Variants in RUSC1 observed in about 807,000 individuals in gnomAD.
The protein encoded by RUSC1 is RUN and SH3 domain containing 1, also known as AP-4 complex accessory subunit RUSC1.
A neutral mutation model predicts 72.1 loss-of-function variants in RUSC1; 40 were observed. That is an observed-to-expected ratio of 0.55 (90% CI 0.43 to 0.72). RUSC1 has a LOEUF of 0.72. Among genes scored for constraint, RUSC1 ranks in the 30% least tolerant of loss-of-function variants. RUSC1 has a pLI of 0.00. For missense variants in RUSC1, 1,092 were observed against 1,172.3 expected, an observed-to-expected ratio of 0.93 and a Z score of 1.00; for synonymous variants, 512 against 494.2, an observed-to-expected ratio of 1.04 and a Z score of -0.48.
chr1:155,330,773 A>G lies in RUSC1; in HGVS notation c.*202A>G. ...AAATCTGCTCTTCTTCCAAATATATAAAAAAGGAATTGCCCTCCAGGTAAT... is the reference window on the plus strand; with the variant it reads ...AAATCTGCTCTTCTTCCAAATATATGAAAAAGGAATTGCCCTCCAGGTAAT... On this transcript the variant is annotated 3_prime_UTR_variant, in exon 10 of 10. Coordinates refer to ENST00000368352, the MANE Select transcript of RUSC1 (RefSeq NM_001105203.2). 2.0e-6 allele frequency: 1 copy of G among 510,176 alleles called. No individual in the cohort carries two copies. Among genetic ancestry groups the G allele is most frequent in the Non-Finnish European group, 3.4e-6 (1 of 293,390 alleles). 31.6% of individuals were successfully genotyped at this position (510,176 alleles called of 1,614,324 possible).
Position 155,330,655 on chromosome 1 carries a change from T to C in RUSC1, c.*84T>C. 7.5e-7 allele frequency: 1 copy of C among 1,334,942 alleles called. No individual in the cohort carries two copies. The highest frequency in any genetic ancestry group is 1.0e-6 in the Non-Finnish European group (1 of 994,298). The allele number at this position is 1,334,942 out of a possible 1,614,324, so 82.7% of individuals were successfully genotyped here. ...AGTGAACACCATCCCAGAAGCATTT[T>C]CCCTCTGCAAAATGACGTTTCTTCC... On this transcript the variant is annotated 3_prime_UTR_variant, in exon 10 of 10. Transcript: ENST00000368352.
At position 155,320,906 on chromosome 1, in the gene RUSC1, C is replaced by T; in HGVS notation, c.-172C>T. Reference sequence around the variant, plus strand: ...CGCAGGGTAGGTTGTGCTAGTGCCCCTCCCCTCCCGCTCTGTGCCCCGCCG... The same window carrying T: ...CGCAGGGTAGGTTGTGCTAGTGCCCTTCCCCTCCCGCTCTGTGCCCCGCCG... On this transcript the variant is annotated 5_prime_UTR_variant, in exon 1 of 10. Coordinates refer to ENST00000368352, the MANE Select transcript of RUSC1 (RefSeq NM_001105203.2). 6.3e-7 allele frequency: 1 copy of T among 1,593,634 alleles called. No homozygotes were observed. Among genetic ancestry groups the T allele is most frequent in the South Asian group, 1.1e-5 (1 of 89,628 alleles).
In RUSC1 at chr1:155,328,283, G is replaced by A; in HGVS notation, c.2540+8G>A. 1 of 1,604,404 alleles carries A rather than the reference G, an allele frequency of 6.2e-7. No homozygotes were observed. Among genetic ancestry groups the A allele is most frequent in the Non-Finnish European group, 8.5e-7 (1 of 1,174,654 alleles). On this transcript the variant is annotated splice_region_variant and intron_variant, in intron 9 of 9. Coordinates refer to ENST00000368352, the MANE Select transcript of RUSC1 (RefSeq NM_001105203.2). ...GATGGTGCAAACCCATAGGTAAGGA[G>A]GATTGGGGAGAATGCACTAGTGTGT... is the stretch of plus-strand genomic sequence containing the variant.
chr1:155,326,941 C>T lies in RUSC1; in HGVS notation c.2223C>T (p.Ala741=). 6.2e-7 allele frequency: 1 copy of T among 1,613,828 alleles called. No individual in the cohort carries two copies. Residue 741 remains alanine, a synonymous_variant, in exon 8 of 10, where the codon GCC becomes GCT. Transcript: ENST00000368352. This position sits in a 1 kb window ranked among gnomAD's most constrained non-coding sequence, Gnocchi z 4.7. ...EQLTQASRVY[A]SGGTEGFPLS... ...TGACCCAGGCCTCCCGGGTCTATGC[C>T]TCTGGGGGCACTGAGGGCTTTCCTC...
At position 155,325,266 on chromosome 1, in the gene RUSC1, G is replaced by C; in HGVS notation, c.1534-50G>C. ...GGGAATGGTTGGCGGGAGGTGGCTG[G>C]GAGGTGTCTGGAGGGATCTCTGGAG... is the stretch of plus-strand genomic sequence containing the variant. On this transcript the variant is annotated intron_variant, in intron 4 of 9. Coordinates refer to ENST00000368352, the MANE Select transcript of RUSC1 (RefSeq NM_001105203.2). This position sits in a 1 kb window ranked among gnomAD's most constrained non-coding sequence, Gnocchi z 6.5. 3 of 1,607,668 alleles carry C rather than the reference G, an allele frequency of 1.9e-6. No homozygotes were observed. Among genetic ancestry groups the C allele is most frequent in the Non-Finnish European group, 2.5e-6 (3 of 1,179,550 alleles).
At chr1:155,328,325 A>G (rs778895881) in intron 9 of RUSC1, 50 bp downstream of exon 9, 4 of 1,523,152 alleles carry the variant, frequency 2.6e-6, no homozygotes, top group Non-Finnish European at 3.5e-6. Context: ...GTATGCTATC[A>G]CAGCATGGAT....
chr1:155,329,210 A>G (rs1465788710), intron 9 of RUSC1, among the ~76,000 whole-genome samples: 1 of 135,384 alleles, frequency 7.4e-6, no homozygotes, highest in Non-Finnish European at 1.6e-5. Context: ...CTCAGCCTCC[A>G]GAGTAGCTGG....
Position 155,327,138 on chromosome 1 carries a change from G to T in RUSC1, c.2414+6G>T. 1 of 1,592,700 alleles carries T rather than the reference G, an allele frequency of 6.3e-7. No individual in the cohort carries two copies. The highest frequency in any genetic ancestry group is 1.1e-5 in the South Asian group (1 of 89,374). On this transcript the variant is annotated splice_donor_region_variant and intron_variant, in intron 8 of 9. Transcript: ENST00000368352. Reference sequence around the variant, plus strand: ...AATGGAGCCCTAAAGTCCAGGTAATGGGGTACCTTGTCCTTTCTATGACCT... The same window carrying T: ...AATGGAGCCCTAAAGTCCAGGTAATTGGGTACCTTGTCCTTTCTATGACCT...
At chr1:155,321,524 C>G (rs1374049465) in intron 1 of RUSC1, 164 bp from the exon 2 acceptor site, 2 of 1,426,252 alleles carry the variant, frequency 1.4e-6, no homozygotes, top group East Asian at 2.6e-5. Flanking sequence ...TCTGCAAACA[C>G]TGCAGTGGAA....
chr1:155,323,074 C>T lies in RUSC1; in HGVS notation c.1301C>T (p.Ala434Val), dbSNP rs1313110759. Residue 434 changes from alanine to valine, a missense_variant, in exon 2 of 10, where the codon GCG (alanine) becomes GTG (valine). By Grantham distance (64) the Ala-to-Val change is moderately conservative (BLOSUM62 0). Coordinates refer to ENST00000368352, the MANE Select transcript of RUSC1 (RefSeq NM_001105203.2). ...QSEEGRAVSP[A>V]AGEEAPAAKE... The stretch of plus-strand genomic sequence containing the variant: ...GAGGAGGGCCGGGCTGTCAGCCCAG[C>T]GGCTGGCGAGGAGGCCCCAGCCGCG... 6.1e-5 allele frequency: 87 copies of T among 1,431,270 alleles called. No homozygotes were observed. The highest frequency in any genetic ancestry group is 2.9e-5 in the African/African-American group (2 of 68,068). 88.7% of individuals were successfully genotyped at this position (1,431,270 alleles called of 1,614,324 possible).
chr1:155,324,888 GC>G lies in RUSC1; in HGVS notation c.1402del (p.Leu468CysfsTer21). The G allele has an allele frequency of 6.2e-7, 1 of 1,614,238 alleles. No homozygotes were observed. The highest frequency in any genetic ancestry group is 1.7e-5 in the Admixed American group (1 of 60,032). On this transcript the variant is annotated frameshift_variant, in exon 3 of 10. Transcript: ENST00000368352. LOFTEE classifies it high-confidence loss of function. The part of the protein sequence containing the change: ...SFAGVPGAQR[L>X]WMAEAQSGTG... ...TCGCCGGTGTCCCCGGAGCCCAGCG[GC>G]TGTGGATGGCAGAAGCCCAGAGTGG...
At chr1:155,324,363 G>T (rs1015403548) in intron 2 of RUSC1, 3 of 1,607,636 alleles carry the variant, frequency 1.9e-6, no homozygotes, top group African/African-American at 2.7e-5. Flanking sequence ...CCCAATCCTC[G>T]GGTCTCGCCT....
chr1:155,327,604 G>A (rs1358791096), intron 8 of RUSC1, among the ~76,000 whole-genome samples: 1 of 152,144 alleles, frequency 6.6e-6, no homozygotes, highest in Non-Finnish European at 1.5e-5. Flanking sequence ...AACAGCCTGG[G>A]CAACATGGTG....
chr1:155,324,531 A>C, intron 2 of RUSC1: 2 of 1,597,596 alleles, frequency 1.3e-6, no homozygotes, highest in South Asian at 2.2e-5. Context: ...AGGCCCTAGC[A>C]GGGCAGGCGG....
intron 1 of RUSC1, 155 bp from the exon 2 acceptor site, chr1:155,321,533 A>G (rs1234518218): frequency 2.4e-5 from 33 of 1,400,476 alleles, no homozygotes; most frequent in Non-Finnish European, 3.1e-5. Flanking sequence ...ACTGCAGTGG[A>G]AACTAATGGT....
At position 155,330,756 on chromosome 1, in the gene RUSC1, T is replaced by C; in HGVS notation, c.*185T>C. ...TACCCACCTGTAAGGTGAAATCTGC[T>C]CTTCTTCCAAATATATAAAAAAGGA... On this transcript the variant is annotated 3_prime_UTR_variant, in exon 10 of 10. Coordinates refer to ENST00000368352, the MANE Select transcript of RUSC1 (RefSeq NM_001105203.2). The C allele has an allele frequency of 1.9e-6, 1 of 526,496 alleles. No individual in the cohort carries two copies. The allele number at this position is 526,496 out of a possible 1,614,324, so 32.6% of individuals were successfully genotyped here.
At position 155,322,096 on chromosome 1, in the gene RUSC1, C is replaced by T. The variant is rs1010038488; in HGVS notation, c.323C>T (p.Ser108Phe). The change falls in exon 2 of 10, where the codon TCC (serine) becomes TTC (phenylalanine). Residue 108 changes from serine to phenylalanine, a missense_variant. Coordinates refer to ENST00000368352, the MANE Select transcript of RUSC1 (RefSeq NM_001105203.2). ...CCAGGCTGCTCCTCCTCACTCAGCT[C>T]CTGCTCAGATCTTAGCCCCGATGAG... ...SDPGCSSSLS[S>F]CSDLSPDESP... 7 of 1,613,532 alleles carry T rather than the reference C, an allele frequency of 4.3e-6. No individual in the cohort carries two copies. The East Asian group carries it at 1.6e-4, about 36-fold the overall frequency.
chr1:155,324,595 C>T, intron 2 of RUSC1: 13 of 1,554,892 alleles, frequency 8.4e-6, no homozygotes, highest in Non-Finnish European at 1.1e-5. Flanking sequence ...GAGGTGGGGG[C>T]TGTGCCCTGA....
At chr1:155,321,328 C>T (rs764034875) in intron 1 of RUSC1, 4 of 1,372,888 alleles carry the variant, frequency 2.9e-6, no homozygotes, top group African/African-American at 1.5e-5. Context: ...GTGGGTCTCC[C>T]TGGGTCCCTT....
Sources: gnomAD v4.1 joint callset for allele counts (sites outside exome capture counted in the v4.1 genomes callset) on GRCh38, gnomAD v4.1.1 for gene constraint, Gnocchi (gnomAD v3.1) non-coding constraint, MANE v1.5 for transcripts, NCBI Gene and HGNC (gene_info 2026-07-23, HGNC 2026-07-21) for gene names.